MAPK8: variants seen among roughly 807,000 people sequenced by gnomAD.
MAPK8 encodes mitogen-activated protein kinase 8, also known as JUN N-terminal kinase.
In MAPK8, 13 loss-of-function variants were observed where a neutral mutation model predicts 52.9. The ratio of observed to expected loss-of-function variants is 0.25; its 90% confidence interval spans 0.16 to 0.39. The LOEUF (loss-of-function observed/expected upper bound fraction) is 0.39, where lower values mean the gene tolerates loss of function less well. MAPK8 is among the 10% of genes least tolerant of loss of function. The pLI is 1.00. For missense variants in MAPK8, 300 were observed against 519.2 expected, an observed-to-expected ratio of 0.58 and a Z score of 4.10; for synonymous variants, 191 against 169.8, an observed-to-expected ratio of 1.12 and a Z score of -0.97.
intron 1 of MAPK8, among the ~76,000 whole-genome samples, chr10:48,330,391 T>C (rs1399936229): frequency 1.3e-5 from 2 of 152,234 alleles, no homozygotes; most frequent in Non-Finnish European, 2.9e-5. Flanking sequence ...ATTTGCCTTT[T>C]TCATGTCTGT....
At chr10:48,310,586 T>A (rs1841882337) in intron 1 of MAPK8, among the ~76,000 whole-genome samples, 1 of 152,186 alleles carries the variant, frequency 6.6e-6, no homozygotes, top group Non-Finnish European at 1.5e-5. Context: ...CTCAGGAAGC[T>A]TATAATCAAG....
intron 6 of MAPK8, among the ~76,000 whole-genome samples, chr10:48,422,909 G>C (rs2043448530): frequency 6.6e-6 from 1 of 152,116 alleles, no homozygotes; most frequent in Non-Finnish European, 1.5e-5. Context: ...GAAAGTACAG[G>C]CTTTAATTTT....
chr10:48,306,999 C>A (rs941461414), intron 1 of MAPK8, 178 bp downstream of exon 1: 2 of 151,932 alleles, frequency 1.3e-5, no homozygotes, highest in Non-Finnish European at 2.9e-5. Flanking sequence ...GAGGCGGGGG[C>A]CAGCCGAGGG....
rs138849045 is a variant in MAPK8 at position 48,324,056 on chromosome 10, C to T, written c.-50+17235C>T. Among the ~76,000 whole-genome samples the T allele has an allele frequency of 6.2e-3, 948 of 152,298 alleles. 9 individuals carry two copies. The highest frequency in any genetic ancestry group is 9.7e-3 in the Non-Finnish European group (660 of 68,024). Reference sequence around the variant, plus strand: ...CAACTGAAGAATGTTCAGACATACACATTGAAAGAATATTACGGTAAACAC... The same window carrying T: ...CAACTGAAGAATGTTCAGACATACATATTGAAAGAATATTACGGTAAACAC... On this transcript the variant is annotated intron_variant, in intron 1 of 11. Coordinates refer to ENST00000374189, the MANE Select transcript of MAPK8 (RefSeq NM_001323329.2).
chr10:48,346,616 G>A (rs573915810), intron 1 of MAPK8, among the ~76,000 whole-genome samples: 44 of 152,226 alleles, frequency 2.9e-4, no homozygotes, highest in African/African-American at 9.4e-4. Context: ...TCTTGTGGAG[G>A]GCCTGACATC....
intron 10 of MAPK8, among the ~76,000 whole-genome samples, chr10:48,428,203 A>G (rs1178852937): frequency 1.3e-5 from 2 of 152,228 alleles, no homozygotes; most frequent in African/African-American, 4.8e-5. Flanking sequence ...GCTGAAATTA[A>G]TCATGCTTTG....
At position 48,405,887 on chromosome 10, in the gene MAPK8, C is replaced by T. The variant is rs955326393; in HGVS notation, c.252+906C>T. On this transcript the variant is annotated intron_variant, in intron 3 of 11. Coordinates refer to ENST00000374189, the MANE Select transcript of MAPK8 (RefSeq NM_001323329.2). ...GTATTGGAGTTACTGGGTTCATTAT[C>T]AAGGGAAAAAAAAATCATGGAAGTT... is the stretch of plus-strand genomic sequence containing the variant. Among the ~76,000 whole-genome samples the T allele has an allele frequency of 5.6e-4, 4 of 7,136 alleles. No homozygotes were observed. The Non-Finnish European group carries it at 7.1e-3, about 13-fold the overall frequency. 4.7% of individuals were successfully genotyped at this position (7,136 alleles called of 152,430 possible).
At chr10:48,339,032 T>C (rs1404964802) in intron 1 of MAPK8, among the ~76,000 whole-genome samples, 1 of 152,144 alleles carries the variant, frequency 6.6e-6, no homozygotes, top group African/African-American at 2.4e-5. Flanking sequence ...AACTTCAATA[T>C]AATTCCTATC....
chr10:48,427,309 A>C (rs2043746368), intron 10 of MAPK8, 166 bp downstream of exon 10: 1 of 489,938 alleles, frequency 2.0e-6, no homozygotes, highest in Admixed American at 3.2e-5. Flanking sequence ...TCCTTCCTTA[A>C]CTTAATCTTA....
At chr10:48,355,503 C>T (rs1376588911) in intron 1 of MAPK8, among the ~76,000 whole-genome samples, 2 of 93,144 alleles carry the variant, frequency 2.1e-5, no homozygotes, top group East Asian at 3.3e-4. Flanking sequence ...AGCCAGATTC[C>T]GTCTCAAAAA....
chr10:48,390,894 A>G (rs966398472), intron 1 of MAPK8, among the ~76,000 whole-genome samples: 3 of 152,346 alleles, frequency 2.0e-5, no homozygotes, highest in Non-Finnish European at 4.4e-5. Context: ...AAAATGTAGG[A>G]GATGCAGCTA....
At chr10:48,318,606 C>T (rs558711937) in intron 1 of MAPK8, among the ~76,000 whole-genome samples, 13 of 152,206 alleles carry the variant, frequency 8.5e-5, no homozygotes, top group African/African-American at 3.1e-4. Flanking sequence ...ATTAATAATG[C>T]TCAGGTTAAC....
intron 1 of MAPK8, among the ~76,000 whole-genome samples, chr10:48,366,774 G>A (rs1848088831): frequency 6.6e-6 from 1 of 151,938 alleles, no homozygotes; most frequent in Non-Finnish European, 1.5e-5. Flanking sequence ...TGCCATATAG[G>A]GTTGAAAAAT....
At chr10:48,412,355 A>G (rs770479993) in intron 5 of MAPK8, among the ~76,000 whole-genome samples, 2 of 152,236 alleles carry the variant, frequency 1.3e-5, no homozygotes, top group Non-Finnish European at 2.9e-5. Flanking sequence ...CTTAGTATTC[A>G]TTCAGCAGCT....
intron 1 of MAPK8, among the ~76,000 whole-genome samples, chr10:48,357,841 G>C (rs571079986): frequency 2.0e-5 from 3 of 152,142 alleles, no homozygotes; most frequent in Non-Finnish European, 4.4e-5. Context: ...CCCTGTATCC[G>C]TTACGTAGTC....
chr10:48,312,083 A>T (rs1842034764), intron 1 of MAPK8, among the ~76,000 whole-genome samples: 1 of 152,226 alleles, frequency 6.6e-6, no homozygotes, highest in South Asian at 2.1e-4. Flanking sequence ...TCATTGGGGC[A>T]TTTGGGGCCT....
At chr10:48,344,075 A>T (rs184179171) in intron 1 of MAPK8, among the ~76,000 whole-genome samples, 8 of 152,316 alleles carry the variant, frequency 5.3e-5, no homozygotes, top group Admixed American at 5.2e-4. Context: ...TTTAGCCAGG[A>T]TTTACTTAAG....
chr10:48,425,832 T>TACA, intron 7 of MAPK8, 56 bp from the exon 8 acceptor site: 4 of 963,512 alleles, frequency 4.2e-6, no homozygotes, highest in South Asian at 2.1e-5. Context: ...AATATGAATA[T>TACA]GACTAATGTA....
chr10:48,437,665 ATAG>A lies in MAPK8; in HGVS notation c.*2638_*2640del, dbSNP rs1742963056. The A allele has an allele frequency of 6.6e-6, 1 of 152,174 alleles. No homozygotes were observed. Among genetic ancestry groups the A allele is most frequent in the African/African-American group, 2.4e-5 (1 of 41,434 alleles). 9.4% of individuals were successfully genotyped at this position (152,174 alleles called of 1,614,324 possible). On this transcript the variant is annotated 3_prime_UTR_variant, in exon 12 of 12. Coordinates refer to ENST00000374189, the MANE Select transcript of MAPK8 (RefSeq NM_001323329.2). The stretch of plus-strand genomic sequence containing the variant: ...GCAGATAGAGCATCTCAACTCTGTC[ATAG>A]TGTTTGCTGAACAGTTTTCAGTGTC...
Sources: gnomAD v4.1 joint callset for allele counts (sites outside exome capture counted in the v4.1 genomes callset) on GRCh38, gnomAD v4.1.1 for gene constraint, MANE v1.5 for transcripts, NCBI Gene and HGNC (gene_info 2026-07-23, HGNC 2026-07-21) for gene names.